NDUFB10: variants seen among roughly 807,000 people sequenced by gnomAD.
The protein encoded by NDUFB10 is NADH dehydrogenase [ubiquinone] 1 beta subcomplex subunit 10.
A neutral mutation model predicts 19.0 loss-of-function variants in NDUFB10; 23 were observed. The ratio of observed to expected loss-of-function variants is 1.21; its 90% CI spans 0.87 to 1.71. The LOEUF is 1.71. NDUFB10 is among the 40% of genes most tolerant of loss of function. The pLI is 0.00. For synonymous variants in NDUFB10, 104 were observed against 81.8 expected (o/e 1.27, Z -1.46); for missense variants, 312 against 230.6 (o/e 1.35, Z -2.29).
chr16:1,961,623 C>G lies in NDUFB10; in HGVS notation c.396C>G (p.Ala132=). 6.2e-7 allele frequency: 1 copy of G among 1,612,966 alleles called. No individual in the cohort carries two copies. The highest frequency in any genetic ancestry group is 8.5e-7 in the Non-Finnish European group (1 of 1,179,890). Residue 132 remains alanine, a synonymous_variant, in exon 3 of 4, where the codon GCC becomes GCG. Coordinates refer to ENST00000268668, the MANE Select transcript of NDUFB10 (RefSeq NM_004548.3). ...AGCAGTTCACCCAGGTGGCCAAGGCCTACCAGGACCGCTGTGCGTGCCCCA... is the reference window on the plus strand; with the variant it reads ...AGCAGTTCACCCAGGTGGCCAAGGCGTACCAGGACCGCTGTGCGTGCCCCA... ...EVEQFTQVAK[A]YQDRYQDLGA... is the part of the protein sequence containing the mutation.
At position 1,961,529 on chromosome 16, in the gene NDUFB10, A is replaced by G; in HGVS notation, c.302A>G (p.Gln101Arg). ...KVDQEIINIM[Q>R]DRLKACQQRE... ...GACCAAGAAATTATCAACATTATGC[A>G]GGATCGGCTCAAAGCCTGTCAGCAG... is the stretch of plus-strand genomic sequence containing the variant. The change falls in exon 3 of 4, where the codon CAG becomes CGG. Residue 101 changes from glutamine to arginine, a missense_variant. By Grantham distance (43) the Gln-to-Arg change is conservative. Coordinates refer to ENST00000268668, the MANE Select transcript of NDUFB10 (RefSeq NM_004548.3). The G allele has an allele frequency of 2.5e-6, 4 of 1,614,100 alleles. No individual in the cohort carries two copies. Among genetic ancestry groups the G allele is most frequent in the Non-Finnish European group, 2.5e-6 (3 of 1,180,026 alleles).
At position 1,961,060 on chromosome 16, in the gene NDUFB10, C is replaced by T; in HGVS notation, c.131-93C>T. 6 of 1,459,816 alleles carry T rather than the reference C, an allele frequency of 4.1e-6. No individual in the cohort carries two copies. In the South Asian group the frequency reaches 7.7e-5, roughly 19 times the overall value. The allele number at this position is 1,459,816 out of a possible 1,614,324, so 90.4% of individuals were successfully genotyped here. A position where few individuals can be genotyped will look rare whatever the true frequency, so the allele number is the denominator to read the frequency against. ...ACGCTGGAACACTCAGGAAGTTCTCCTCTCTCCCCTCCAAAGGGCTTATGA... is the reference window on the plus strand; with the variant it reads ...ACGCTGGAACACTCAGGAAGTTCTCTTCTCTCCCCTCCAAAGGGCTTATGA... On this transcript the variant is annotated intron_variant, in intron 1 of 3. Coordinates refer to ENST00000268668, the MANE Select transcript of NDUFB10 (RefSeq NM_004548.3).
At chr16:1,960,715 G>T (rs552704749) in intron 1 of NDUFB10, among the ~76,000 whole-genome samples, 2 of 152,192 alleles carry the variant, frequency 1.3e-5, no homozygotes. Context: ...CTTTTAGCTC[G>T]TTCATTTCCC....
At chr16:1,960,897 G>C (rs984074103) in intron 1 of NDUFB10, among the ~76,000 whole-genome samples, 3 of 152,190 alleles carry the variant, frequency 2.0e-5, no homozygotes, top group Non-Finnish European at 4.4e-5. Context: ...CTTGTGTGGG[G>C]GACAGAGTAA....
Position 1,961,966 on chromosome 16 carries a change from C to T in NDUFB10, c.*60C>T. On this transcript the variant is annotated 3_prime_UTR_variant, in exon 4 of 4. Coordinates refer to ENST00000268668, the MANE Select transcript of NDUFB10 (RefSeq NM_004548.3). ...ATGACTGTTGCTGAAATATAAAGCC[C>T]TGCAACCTGCCTGTGTGTCTGGTGT... 1 of 1,498,584 alleles carries T rather than the reference C, an allele frequency of 6.7e-7. No homozygotes were observed. The highest frequency in any genetic ancestry group is 2.0e-5 in the Admixed American group (1 of 50,864). 92.8% of individuals were successfully genotyped at this position (1,498,584 alleles called of 1,614,324 possible). A position where few individuals can be genotyped will look rare whatever the true frequency, so the allele number is the denominator to read the frequency against.
chr16:1,961,743 C>G (rs1234869319), intron 3 of NDUFB10, 54 bp from the exon 4 acceptor site: 4 of 1,537,770 alleles, frequency 2.6e-6, no homozygotes, highest in Non-Finnish European at 3.5e-6. Context: ...GACTTTGCCC[C>G]CTTTGCATGT....
chr16:1,961,709 C>T (rs1252077424), intron 3 of NDUFB10, 73 bp downstream of exon 3: 7 of 1,326,132 alleles, frequency 5.3e-6, no homozygotes, highest in South Asian at 1.2e-5. Flanking sequence ...TGCAAATCTT[C>T]CCTCCCCTCC....
chr16:1,959,782 C>G (rs374309243), intron 1 of NDUFB10, 28 bp downstream of exon 1: 1 of 1,611,276 alleles, frequency 6.2e-7, no homozygotes, highest in Non-Finnish European at 8.5e-7. Flanking sequence ...GGGGCTCCCT[C>G]GCCGGCCTCT....
At chr16:1,961,408 A>C in intron 2 of NDUFB10, 89 bp from the exon 3 acceptor site, 2 of 1,592,862 alleles carry the variant, frequency 1.3e-6, no homozygotes, top group Non-Finnish European at 1.7e-6. Flanking sequence ...GAGGAGCCAG[A>C]CCCCAGGGCT....
Position 1,961,883 on chromosome 16 carries a change from G to A in NDUFB10, c.496G>A (p.Glu166Lys), listed in dbSNP as rs1262886292. Residue 166 changes from glutamate (E) to lysine (K), a missense_variant, in exon 4 of 4, where the codon GAG becomes AAG. Transcript: ENST00000268668. ...RMLQERKAAK[E>K]AAAATS ...GCTGCAAGAGAGAAAAGCTGCAAAA[G>A]AGGCCGCCGCTGCCACCTCCTGAGG... The A allele has an allele frequency of 6.4e-7, 1 of 1,563,000 alleles. No individual in the cohort carries two copies. Among genetic ancestry groups the A allele is most frequent in the African/African-American group, 1.4e-5 (1 of 73,940 alleles).
chr16:1,961,259 G>A lies in NDUFB10; in HGVS notation c.237G>A (p.Met79Ile). Residue 79 changes from methionine (M) to isoleucine (I), a missense_variant, in exon 2 of 4, where the codon ATG becomes ATA. By Grantham distance (10) the Met-to-Ile change is conservative (BLOSUM62 1). Transcript: ENST00000268668. ...GCAAGGAGGAGGACATCATGTGCAT[G>A]TATGAAGCCGAAATGCAGTGGAAGA... ...TECKEEDIMC[M>I]YEAEMQWKRD... The A allele has an allele frequency of 6.2e-7, 1 of 1,614,040 alleles. No homozygotes were observed. Among genetic ancestry groups the A allele is most frequent in the South Asian group, 1.1e-5 (1 of 91,092 alleles).
Position 1,959,590 on chromosome 16 carries a change from C to T in NDUFB10, c.-35C>T. On this transcript the variant is annotated 5_prime_UTR_variant, in exon 1 of 4. Coordinates refer to ENST00000268668, the MANE Select transcript of NDUFB10 (RefSeq NM_004548.3). ...CGGACGGAGGTAGAGGCCAGGGCAG[C>T]GCGTCCGGGAGCGGAGTCCGCGCCC... 1.3e-6 allele frequency: 2 copies of T among 1,586,408 alleles called. No homozygotes were observed. The highest frequency in any genetic ancestry group is 1.7e-6 in the Non-Finnish European group (2 of 1,166,560).
chr16:1,960,080 C>T (rs937204502), intron 1 of NDUFB10, among the ~76,000 whole-genome samples: 2 of 152,228 alleles, frequency 1.3e-5, no homozygotes, highest in African/African-American at 4.8e-5. Flanking sequence ...CCCCGCCGCC[C>T]CGGGCACCCC....
Position 1,961,135 on chromosome 16 carries a change from G to C in NDUFB10, c.131-18G>C. The stretch of plus-strand genomic sequence containing the variant: ...CCAAACCGATGAGGCATTTGAGTCT[G>C]TGGCTTTGTCTTTGCAGAATTTATA... On this transcript the variant is annotated intron_variant, in intron 1 of 3. Coordinates refer to ENST00000268668, the MANE Select transcript of NDUFB10 (RefSeq NM_004548.3). The C allele has an allele frequency of 1.2e-6, 2 of 1,613,248 alleles. No individual in the cohort carries two copies. The highest frequency in any genetic ancestry group is 1.1e-5 in the South Asian group (1 of 91,024).
At position 1,961,141 on chromosome 16, in the gene NDUFB10, T is replaced by C. The variant is rs1312144752; in HGVS notation, c.131-12T>C. 6.2e-7 allele frequency: 1 copy of C among 1,613,576 alleles called. No homozygotes were observed. The highest frequency in any genetic ancestry group is 2.2e-5 in the East Asian group (1 of 44,884). On this transcript the variant is annotated splice_polypyrimidine_tract_variant and intron_variant, in intron 1 of 3. Transcript: ENST00000268668. ...CGATGAGGCATTTGAGTCTGTGGCT[T>C]TGTCTTTGCAGAATTTATAGAGCGG...
In NDUFB10 at chr16:1,961,878, CAA is replaced by C. The variant is rs2083259241; in HGVS notation, c.494_495del (p.Lys165ArgfsTer21). The stretch of plus-strand genomic sequence containing the variant: ...AGGATGCTGCAAGAGAGAAAAGCTG[CAA>C]AAGAGGCCGCCGCTGCCACCTCCTG... On this transcript the variant is annotated frameshift_variant, in exon 4 of 4. Transcript: ENST00000268668. LOFTEE classifies it high-confidence loss of function. 3 of 1,563,828 alleles carry C rather than the reference CAA, an allele frequency of 1.9e-6. No homozygotes were observed. Among genetic ancestry groups the C allele is most frequent in the Non-Finnish European group, 2.6e-6 (3 of 1,153,656 alleles).
At chr16:1,961,659 A>AC in intron 3 of NDUFB10, 23 bp downstream of exon 3, 2 of 779,176 alleles carry the variant, frequency 2.6e-6, no homozygotes, top group South Asian at 1.4e-5. Flanking sequence ...CCCACCCCCA[A>AC]CCCCCCACCA....
At chr16:1,961,444 T>A in intron 2 of NDUFB10, 53 bp from the exon 3 acceptor site, 1 of 1,606,790 alleles carries the variant, frequency 6.2e-7, no homozygotes, top group Non-Finnish European at 8.5e-7. Context: ...TCTCACAGGG[T>A]ACAGGAAAAG....
intron 1 of NDUFB10, among the ~76,000 whole-genome samples, chr16:1,959,986 G>A (rs1321235338): frequency 6.6e-6 from 1 of 151,502 alleles, no homozygotes; most frequent in Admixed American, 6.6e-5. Context: ...CCTGCACCCC[G>A]GGATGCCCCG....
Sources: allele counts gnomAD v4.1 joint callset (sites outside exome capture counted in the v4.1 genomes callset), GRCh38; gene constraint gnomAD v4.1.1; transcripts MANE v1.5; gene names NCBI Gene and HGNC (gene_info 2026-07-23, HGNC 2026-07-21).